Variants in C1orf21 observed in about 807,000 individuals in gnomAD.
C1orf21 encodes chromosome 1 open reading frame 21, also known as uncharacterized protein C1orf21.
C1orf21 carries 3 observed loss-of-function variants against 18.7 expected under a neutral mutation model. The observed-to-expected ratio is 0.16, with a 90% CI of 0.07 to 0.42. C1orf21 has a LOEUF of 0.42. C1orf21 is among the 10% of genes least tolerant of loss of function. C1orf21 has a pLI of 0.99. For missense variants in C1orf21, 104 were observed against 143.6 expected, an observed-to-expected ratio of 0.72 and a Z score of 1.41; for synonymous variants, 41 against 46.4, an observed-to-expected ratio of 0.88 and a Z score of 0.47.
intron 5 of C1orf21, among the ~76,000 whole-genome samples, chr1:184,607,883 T>C (rs1284220445): frequency 6.6e-6 from 1 of 152,076 alleles, no homozygotes; most frequent in East Asian, 1.9e-4. Flanking sequence ...ATACATTGTT[T>C]ATAGATGGAC....
intron 3 of C1orf21, among the ~76,000 whole-genome samples, chr1:184,545,482 T>C (rs1022748377): frequency 6.6e-6 from 1 of 152,054 alleles, no homozygotes; most frequent in African/African-American, 2.4e-5. Context: ...TCCCTTTCCA[T>C]AGGGAGAAAT....
At chr1:184,484,298 T>A in intron 2 of C1orf21, among the ~76,000 whole-genome samples, 1 of 152,156 alleles carries the variant, frequency 6.6e-6, no homozygotes, top group East Asian at 1.9e-4. Context: ...GCATCTTCGC[T>A]GCTCTAGGCC....
At chr1:184,475,826 G>T (rs1657563104) in intron 1 of C1orf21, among the ~76,000 whole-genome samples, 1 of 148,200 alleles carries the variant, frequency 6.7e-6, no homozygotes, top group Admixed American at 6.8e-5. Context: ...ATGAAGACTT[G>T]TTAACATTAA....
chr1:184,429,004 C>A (rs1656688999), intron 1 of C1orf21, among the ~76,000 whole-genome samples: 1 of 152,132 alleles, frequency 6.6e-6, no homozygotes, highest in South Asian at 2.1e-4. Context: ...CTGATCCTAC[C>A]CCTGGCTCCA....
chr1:184,528,508 A>G (rs1386209147), intron 3 of C1orf21, among the ~76,000 whole-genome samples: 1 of 151,998 alleles, frequency 6.6e-6, no homozygotes, highest in Non-Finnish European at 1.5e-5. Context: ...GCAATGGTGC[A>G]ATCTCAGCTC....
chr1:184,519,868 AGATACAG>A lies in C1orf21; in HGVS notation c.189+12190_189+12196del, dbSNP rs371736333. ...AGCAAATAATACCCAGTATTAACGGAGATACAGGATTCACCAGCCTTATGATTTTTAT... is the reference window on the plus strand; with the variant it reads ...AGCAAATAATACCCAGTATTAACGGAGATTCACCAGCCTTATGATTTTTAT... On this transcript the variant is annotated intron_variant, in intron 3 of 5. Coordinates refer to ENST00000235307, the MANE Select transcript of C1orf21 (RefSeq NM_030806.4). 2.3e-3 allele frequency among the ~76,000 whole-genome samples: 357 copies of A among 152,244 alleles called. 1 individual carries two copies. Among genetic ancestry groups the A allele is most frequent in the African/African-American group, 8.3e-3 (344 of 41,534 alleles).
chr1:184,578,993 T>TAAAAA (rs67905484), intron 3 of C1orf21, among the ~76,000 whole-genome samples: 1 of 121,688 alleles, frequency 8.2e-6, no homozygotes. Context: ...TTGTGAAGGT[T>TAAAAA]AAAAAAAAAA....
intron 4 of C1orf21, among the ~76,000 whole-genome samples, chr1:184,595,805 C>T (rs575484099): frequency 7.2e-5 from 11 of 152,190 alleles, no homozygotes; most frequent in African/African-American, 2.4e-4. Context: ...CCTAACACAA[C>T]CCATGCACCG....
intron 3 of C1orf21, among the ~76,000 whole-genome samples, chr1:184,568,971 T>C (rs1659071635): frequency 6.6e-6 from 1 of 152,246 alleles, no homozygotes; most frequent in Non-Finnish European, 1.5e-5. Flanking sequence ...CAAAGATGGA[T>C]AAGACGTGAA....
At chr1:184,549,550 A>G (rs1009165135) in intron 3 of C1orf21, among the ~76,000 whole-genome samples, 43 of 151,802 alleles carry the variant, frequency 2.8e-4, no homozygotes, top group African/African-American at 9.4e-4. Context: ...TTTTCTGGTA[A>G]GGAGATAACA....
chr1:184,530,311 A>G (rs1658441056), intron 3 of C1orf21, among the ~76,000 whole-genome samples: 1 of 152,082 alleles, frequency 6.6e-6, no homozygotes, highest in Admixed American at 6.6e-5. Context: ...TTAGATGGAG[A>G]CAATAATGGC....
chr1:184,577,947 G>GTTTTGTTTTTTTTTT (rs1571285782), intron 3 of C1orf21, among the ~76,000 whole-genome samples: 2 of 86,722 alleles, frequency 2.3e-5, no homozygotes, highest in Non-Finnish European at 2.2e-5. Context: ...TTTTTGTTTT[G>GTTTTGTTTTTTTTTT]TTTTTGTTTT....
At chr1:184,462,639 AT>A (rs577255668) in intron 1 of C1orf21, among the ~76,000 whole-genome samples, 290 of 152,158 alleles carry the variant, frequency 1.9e-3, no homozygotes, top group South Asian at 0.011. Context: ...TGCTATTCAT[AT>A]TTTTTTGGGG....
At chr1:184,595,918 CAAAG>C (rs1277068036) in intron 4 of C1orf21, among the ~76,000 whole-genome samples, 2 of 152,112 alleles carry the variant, frequency 1.3e-5, no homozygotes, top group African/African-American at 2.4e-5. Context: ...TGTTCTTAGA[CAAAG>C]AAAAAGCAGG....
At position 184,525,739 on chromosome 1, in the gene C1orf21, A is replaced by G. The variant is rs574450127; in HGVS notation, c.189+18057A>G. On this transcript the variant is annotated intron_variant, in intron 3 of 5. Transcript: ENST00000235307. ...TTACAACTCAGGAAAATAAAATTATACAAAAAGCATTTAAAACACAAGGAT... is the reference window on the plus strand; with the variant it reads ...TTACAACTCAGGAAAATAAAATTATGCAAAAAGCATTTAAAACACAAGGAT... Among the ~76,000 whole-genome samples, 3 of 152,338 alleles carry G rather than the reference A, an allele frequency of 2.0e-5. No homozygotes were observed. The South Asian group carries it at 6.2e-4, about 32-fold the overall frequency.
At chr1:184,603,169 G>A (rs989170736) in intron 5 of C1orf21, among the ~76,000 whole-genome samples, 9 of 152,220 alleles carry the variant, frequency 5.9e-5, no homozygotes, top group East Asian at 1.9e-4. Context: ...GTGTGCTTCC[G>A]TCAGATCCAG....
At chr1:184,515,140 A>G (rs1470690618) in intron 3 of C1orf21, among the ~76,000 whole-genome samples, 2 of 152,236 alleles carry the variant, frequency 1.3e-5, no homozygotes, top group Non-Finnish European at 2.9e-5. Flanking sequence ...AGAAGATGCC[A>G]TTCTTGGCTA....
Position 184,507,317 on chromosome 1 carries a change from G to A in C1orf21, c.95-271G>A, listed in dbSNP as rs1658077126. On this transcript the variant is annotated intron_variant, in intron 2 of 5. Transcript: ENST00000235307. ...AGAGATGGAGTATCCTGTTTCCTCT[G>A]CAGCATTTGCTCTCTGTGGAAGGAC... 2.6e-5 allele frequency among the ~76,000 whole-genome samples: 4 copies of A among 152,210 alleles called. No individual in the cohort carries two copies. The South Asian group carries it at 8.3e-4, about 32-fold the overall frequency.
chr1:184,514,219 C>T (rs1284873094), intron 3 of C1orf21, among the ~76,000 whole-genome samples: 2 of 152,148 alleles, frequency 1.3e-5, no homozygotes, highest in Non-Finnish European at 2.9e-5. Flanking sequence ...GCAGGAGGAT[C>T]GCTTGAGCCC....
Sources: allele counts gnomAD v4.1 joint callset (sites outside exome capture counted in the v4.1 genomes callset), GRCh38; gene constraint gnomAD v4.1.1; transcripts MANE v1.5; gene names NCBI Gene and HGNC (gene_info 2026-07-23, HGNC 2026-07-21).